ZEB1: variants seen among roughly 807,000 people sequenced by gnomAD.
The protein encoded by ZEB1 is zinc finger E-box-binding homeobox 1.
Under a neutral mutation model 84.9 loss-of-function variants are expected in ZEB1, and 21 were observed. The observed-to-expected ratio is 0.25, with a 90% CI of 0.18 to 0.36. The LOEUF is 0.36. Ranked by LOEUF, ZEB1 falls within the 10% of genes least tolerant of loss-of-function variation. The pLI is 1.00. For missense variants in ZEB1, 1,104 were observed against 1,330.2 expected, an observed-to-expected ratio of 0.83 and a Z score of 2.65; for synonymous variants, 420 against 471.1, an observed-to-expected ratio of 0.89 and a Z score of 1.41.
chr10:31,442,366 C>A (rs184717245), intron 1 of ZEB1, among the ~76,000 whole-genome samples: 276 of 151,910 alleles, frequency 1.8e-3, no homozygotes, highest in Non-Finnish European at 3.2e-3. Context: ...AATGAGAACA[C>A]TTGGACACAG....
At chr10:31,482,451 T>C (rs1309934130) in intron 2 of ZEB1, among the ~76,000 whole-genome samples, 1 of 150,536 alleles carries the variant, frequency 6.6e-6, no homozygotes, top group Non-Finnish European at 1.5e-5. Context: ...CAGTGTAGCA[T>C]ACTAAATTGG....
intron 1 of ZEB1, chr10:31,363,931 G>A (rs1400977120): frequency 1.5e-6 from 2 of 1,308,462 alleles, no homozygotes; most frequent in Admixed American, 3.2e-5. Context: ...AGGTGCAGGA[G>A]CTGCAGGGTG....
rs1218956974 is a variant in ZEB1 at position 31,403,722 on chromosome 10, TA to T, written c.59-57314del. On this transcript the variant is annotated intron_variant, in intron 1 of 8. Transcript: ENST00000424869. ...ACTGTGGATATTAAAGAGTGATTAC[TA>T]GTATATTATGTATATTATATATTCA... is the stretch of plus-strand genomic sequence containing the variant. Among the ~76,000 whole-genome samples, 3 of 152,044 alleles carry T rather than the reference TA, an allele frequency of 2.0e-5. No individual in the cohort carries two copies. In the East Asian group the frequency reaches 5.8e-4, roughly 29 times the overall value.
At chr10:31,372,054 A>G (rs1357857294) in intron 1 of ZEB1, among the ~76,000 whole-genome samples, 2 of 152,094 alleles carry the variant, frequency 1.3e-5, no homozygotes, top group Non-Finnish European at 2.9e-5. Context: ...CATAGAATAT[A>G]TGAGAATTTG....
In ZEB1 at chr10:31,334,152, G is replaced by T. The variant is rs149083117; in HGVS notation, c.58+14860G>T. 2.6e-3 allele frequency among the ~76,000 whole-genome samples: 399 copies of T among 152,092 alleles called. 1 individual carries two copies. Among genetic ancestry groups the T allele is most frequent in the African/African-American group, 8.9e-3 (369 of 41,522 alleles). ...GAAAAAAATTAAGAAAAATATAGAT[G>T]ATTTTAATAACAGGACTTACAAGCC... On this transcript the variant is annotated intron_variant, in intron 1 of 8. Coordinates refer to ENST00000424869, the MANE Select transcript of ZEB1 (RefSeq NM_001174096.2).
In ZEB1 at chr10:31,335,550, C is replaced by G. The variant is rs183320748; in HGVS notation, c.58+16258C>G. ...GTTTAAAGGAAAAGAATCATGTGAG[C>G]ATCTCAATAGATCCATCTGTGATAA... On this transcript the variant is annotated intron_variant, in intron 1 of 8. Transcript: ENST00000424869. Among the ~76,000 whole-genome samples, 279 of 152,250 alleles carry G rather than the reference C, an allele frequency of 1.8e-3. 3 individuals carry two copies. Among genetic ancestry groups the G allele is most frequent in the African/African-American group, 6.4e-3 (266 of 41,556 alleles).
intron 2 of ZEB1, among the ~76,000 whole-genome samples, chr10:31,472,553 G>T (rs866587419): frequency 3.4e-4 from 49 of 145,866 alleles, no homozygotes; most frequent in Middle Eastern, 3.4e-3. Flanking sequence ...ATCTGAAATT[G>T]TGGCAATAAT....
chr10:31,515,042 G>C (rs1022994967), intron 6 of ZEB1, among the ~76,000 whole-genome samples: 21 of 152,052 alleles, frequency 1.4e-4, no homozygotes, highest in African/African-American at 5.1e-4. Context: ...GAATGGAAAA[G>C]AGTATAGAGA....
chr10:31,401,252 G>A (rs999181645), intron 1 of ZEB1, among the ~76,000 whole-genome samples: 3 of 152,128 alleles, frequency 2.0e-5, no homozygotes, highest in African/African-American at 7.2e-5. Context: ...AATAACAAGT[G>A]CAGCACAGTT....
chr10:31,344,255 A>G (rs1428328865), intron 1 of ZEB1, among the ~76,000 whole-genome samples: 1 of 152,090 alleles, frequency 6.6e-6, no homozygotes, highest in African/African-American at 2.4e-5. Context: ...CAATAATTAG[A>G]TTAGATTGTC....
chr10:31,346,462 G>GT (rs1190969819), intron 1 of ZEB1, among the ~76,000 whole-genome samples: 1 of 152,106 alleles, frequency 6.6e-6, no homozygotes, highest in Non-Finnish European at 1.5e-5. Flanking sequence ...AGGTGTTTTA[G>GT]TAGTTGCCCT....
chr10:31,413,283 T>C (rs753561361), intron 1 of ZEB1, among the ~76,000 whole-genome samples: 42 of 152,180 alleles, frequency 2.8e-4, no homozygotes, highest in Admixed American at 2.0e-3. Flanking sequence ...AAGTGGTAAG[T>C]GCCTTTTGGG....
chr10:31,355,333 T>G (rs1036152925), intron 1 of ZEB1: 2 of 152,192 alleles, frequency 1.3e-5, no homozygotes, highest in Non-Finnish European at 2.9e-5. Context: ...ATCTGTGGGT[T>G]TGATTTAATG....
chr10:31,508,193 G>C (rs1246617188), intron 4 of ZEB1, among the ~76,000 whole-genome samples: 1 of 152,150 alleles, frequency 6.6e-6, no homozygotes, highest in Non-Finnish European at 1.5e-5. Context: ...CGGGCTTACA[G>C]TACCTGTCCT....
chr10:31,472,527 A>G (rs1298433757), intron 2 of ZEB1, among the ~76,000 whole-genome samples: 3 of 150,090 alleles, frequency 2.0e-5, no homozygotes, highest in Admixed American at 2.0e-4. Flanking sequence ...GAATCTCTGA[A>G]TAGACCAATA....
chr10:31,361,372 C>G (rs2043036368), intron 1 of ZEB1, among the ~76,000 whole-genome samples: 1 of 152,144 alleles, frequency 6.6e-6, no homozygotes, highest in South Asian at 2.1e-4. Context: ...TTTGTATTTT[C>G]AGTAGAGACG....
At chr10:31,448,794 G>A (rs1000110151) in intron 1 of ZEB1, among the ~76,000 whole-genome samples, 6 of 152,108 alleles carry the variant, frequency 3.9e-5, no homozygotes, top group African/African-American at 1.4e-4. Flanking sequence ...CTGCGTACTG[G>A]GAGAACCACT....
chr10:31,509,047 A>G (rs1213634492), intron 4 of ZEB1, among the ~76,000 whole-genome samples: 2 of 152,090 alleles, frequency 1.3e-5, no homozygotes, highest in African/African-American at 2.4e-5. Context: ...GTCACTGCCA[A>G]TGGCTTGCAC....
chr10:31,356,978 A>G (rs1285486858), intron 1 of ZEB1, among the ~76,000 whole-genome samples: 3 of 152,184 alleles, frequency 2.0e-5, no homozygotes, highest in Admixed American at 1.3e-4. Context: ...CTCTGTGACA[A>G]TAACTCTACA....
Sources: gnomAD v4.1 joint callset for allele counts (sites outside exome capture counted in the v4.1 genomes callset) on GRCh38, gnomAD v4.1.1 for gene constraint, MANE v1.5 for transcripts, NCBI Gene and HGNC (gene_info 2026-07-23, HGNC 2026-07-21) for gene names.